Variants in BRAF observed in about 807,000 individuals in gnomAD.
The protein encoded by BRAF is serine/threonine-protein kinase B-raf.
A neutral mutation model predicts 104.6 loss-of-function variants in BRAF; 16 were observed. The observed-to-expected ratio is 0.15, with a 90% CI of 0.10 to 0.23. The LOEUF (loss-of-function observed/expected upper bound fraction) is 0.23, where lower values mean the gene tolerates loss of function less well. Among genes scored for constraint, BRAF ranks in the 10% least tolerant of loss-of-function variants. The pLI is 1.00. For missense variants in BRAF, 541 were observed against 937.3 expected, an observed-to-expected ratio of 0.58 and a Z score of 5.52; for synonymous variants, 310 against 341.6, an observed-to-expected ratio of 0.91 and a Z score of 1.02.
rs973229326 is a variant in BRAF, at chr7:140,832,785, T to C, written c.504+1824A>G. 2.0e-5 allele frequency among the ~76,000 whole-genome samples: 3 copies of C among 152,128 alleles called. No individual in the cohort carries two copies. The East Asian group carries it at 6.0e-4, about 30-fold the overall frequency. ...ATCTTTGAAGAGTCTCAGTTGTTTT[T>C]ATTTCTTTTTAAAAGGGAAATTATA... On this transcript the variant is annotated intron_variant, in intron 3 of 19. Transcript: ENST00000644969.
intron 2 of BRAF, among the ~76,000 whole-genome samples, chr7:140,849,514 T>TAA (rs746301355): frequency 2.2e-4 from 30 of 136,744 alleles, no homozygotes; most frequent in South Asian, 1.6e-3. Context: ...GCTTTCTCTT[T>TAA]AAAAAAAAAA....
At chr7:140,766,404 C>T (rs1197926181) in intron 14 of BRAF, among the ~76,000 whole-genome samples, 3 of 151,890 alleles carry the variant, frequency 2.0e-5, no homozygotes, top group Non-Finnish European at 4.4e-5. Flanking sequence ...CTAACCTGCA[C>T]ATTGTGCACA....
intron 1 of BRAF, among the ~76,000 whole-genome samples, chr7:140,911,941 C>T (rs2129140304): frequency 6.6e-6 from 1 of 152,304 alleles, no homozygotes; most frequent in Non-Finnish European, 1.5e-5. Flanking sequence ...TTACATTTAA[C>T]TCTGATCTGA....
intron 1 of BRAF, among the ~76,000 whole-genome samples, chr7:140,897,033 T>G (rs975659235): frequency 6.6e-6 from 1 of 151,902 alleles, no homozygotes; most frequent in Non-Finnish European, 1.5e-5. Flanking sequence ...CCAATAGTAC[T>G]TTTTACAGAA....
chr7:140,762,842 A>G (rs958334164), intron 14 of BRAF, among the ~76,000 whole-genome samples: 3 of 152,194 alleles, frequency 2.0e-5, no homozygotes, highest in Non-Finnish European at 4.4e-5. Context: ...GCATCTGTTT[A>G]ACAAAGCACA....
intron 2 of BRAF, among the ~76,000 whole-genome samples, chr7:140,837,864 C>T (rs1807509511): frequency 6.6e-6 from 1 of 152,202 alleles, no homozygotes; most frequent in African/African-American, 2.4e-5. Context: ...GTTTACTCTA[C>T]TTCTTTATCT....
intron 14 of BRAF, among the ~76,000 whole-genome samples, chr7:140,775,295 C>T (rs1800231508): frequency 6.6e-6 from 1 of 152,002 alleles, no homozygotes; most frequent in African/African-American, 2.4e-5. Context: ...GCCTTTGTTT[C>T]TCACTGAATG....
intron 1 of BRAF, among the ~76,000 whole-genome samples, chr7:140,868,277 T>G (rs780708196): frequency 6.6e-6 from 1 of 151,986 alleles, no homozygotes; most frequent in Non-Finnish European, 1.5e-5. Context: ...ACACAAAAAC[T>G]TGTGAATATT....
intron 1 of BRAF, among the ~76,000 whole-genome samples, chr7:140,903,169 G>A (rs572492696): frequency 1.4e-4 from 21 of 151,828 alleles, no homozygotes; most frequent in East Asian, 3.9e-4. Context: ...CAGGTGATCC[G>A]CCCACCTCGG....
rs143585282 is a variant in BRAF at position 140,843,364 on chromosome 7, C to T, written c.240+6747G>A. On this transcript the variant is annotated intron_variant, in intron 2 of 19. Transcript: ENST00000644969. Reference sequence around the variant, plus strand: ...GACAGAAAAGCTAAAGGGACTATAGCGATTCAACCAAGTATCTGACAACTG... The same window carrying T: ...GACAGAAAAGCTAAAGGGACTATAGTGATTCAACCAAGTATCTGACAACTG... Among the ~76,000 whole-genome samples the T allele has an allele frequency of 3.3e-4, 51 of 152,278 alleles. 1 individual carries two copies. In the East Asian group the frequency reaches 3.5e-3, roughly 10 times the overall value.
intron 9 of BRAF, among the ~76,000 whole-genome samples, chr7:140,786,191 A>T (rs1015719453): frequency 6.6e-6 from 1 of 152,244 alleles, no homozygotes; most frequent in Non-Finnish European, 1.5e-5. Flanking sequence ...ACAGGAAAAA[A>T]AAAGCTTGTG....
chr7:140,880,392 T>G (rs979923090), intron 1 of BRAF, among the ~76,000 whole-genome samples: 2 of 151,994 alleles, frequency 1.3e-5, no homozygotes, highest in African/African-American at 4.8e-5. Context: ...TAATTCTAGT[T>G]ATTTTGCTAT....
At chr7:140,803,939 C>T (rs555242461) in intron 5 of BRAF, among the ~76,000 whole-genome samples, 2 of 152,288 alleles carry the variant, frequency 1.3e-5, no homozygotes, top group African/African-American at 2.4e-5. Flanking sequence ...GGTTGGAGTA[C>T]AGTGGCAGGA....
At chr7:140,803,671 A>G (rs922145722) in intron 5 of BRAF, among the ~76,000 whole-genome samples, 1 of 152,222 alleles carries the variant, frequency 6.6e-6, no homozygotes, top group Non-Finnish European at 1.5e-5. Flanking sequence ...AGAAGGCAAC[A>G]TGTTAAGAAT....
chr7:140,861,723 A>C (rs572150401), intron 1 of BRAF, among the ~76,000 whole-genome samples: 1 of 152,240 alleles, frequency 6.6e-6, no homozygotes, highest in Admixed American at 6.5e-5. Context: ...GTAAGGTGCT[A>C]TATCTGTGTC....
chr7:140,752,226 G>GGT (rs1292097227), intron 16 of BRAF, among the ~76,000 whole-genome samples: 4 of 152,056 alleles, frequency 2.6e-5, no homozygotes, highest in African/African-American at 9.7e-5. Context: ...TTAGAGATGG[G>GGT]GTCTCACTAT....
intron 1 of BRAF, among the ~76,000 whole-genome samples, chr7:140,920,438 A>G (rs1818093481): frequency 6.6e-6 from 1 of 152,204 alleles, no homozygotes; most frequent in Admixed American, 6.5e-5. Context: ...CCCATCACTC[A>G]TGGAACACAG....
At chr7:140,756,351 G>C (rs567680328) in intron 14 of BRAF, among the ~76,000 whole-genome samples, 1 of 152,100 alleles carries the variant, frequency 6.6e-6, no homozygotes, top group Non-Finnish European at 1.5e-5. Context: ...AAGAGTAGAA[G>C]TCCAGGTCTG....
At chr7:140,765,951 T>C (rs1337504781) in intron 14 of BRAF, among the ~76,000 whole-genome samples, 1 of 137,184 alleles carries the variant, frequency 7.3e-6, no homozygotes, top group Non-Finnish European at 1.5e-5. Flanking sequence ...CATTACTGGG[T>C]ATACACCCAA....
Sources: gnomAD v4.1 joint callset for allele counts (sites outside exome capture counted in the v4.1 genomes callset) on GRCh38, gnomAD v4.1.1 for gene constraint, MANE v1.5 for transcripts, NCBI Gene and HGNC (gene_info 2026-07-23, HGNC 2026-07-21) for gene names.